Variants in CATSPER2 observed in about 807,000 individuals in gnomAD.
CATSPER2 encodes the protein cation channel sperm-associated protein 2.
In CATSPER2, 56 loss-of-function variants were observed where a neutral mutation model predicts 68.8. The observed-to-expected ratio is 0.81, with a 90% CI of 0.66 to 1.02. The LOEUF is 1.02. Ranked by LOEUF, CATSPER2 falls within the 50% of genes least tolerant of loss-of-function variation. The pLI is 0.00. For synonymous variants in CATSPER2, 198 were observed against 229.9 expected, an observed-to-expected ratio of 0.86 and a Z score of 1.26; for missense variants, 582 against 642.0, an observed-to-expected ratio of 0.91 and a Z score of 1.01.
Position 43,648,709 on chromosome 15 carries a change from C to A in CATSPER2, c.-83G>T. 1 of 1,490,106 alleles carries A rather than the reference C, an allele frequency of 6.7e-7. No homozygotes were observed. Among genetic ancestry groups the A allele is most frequent in the Non-Finnish European group, 8.9e-7 (1 of 1,124,512 alleles). 92.3% of individuals were successfully genotyped at this position (1,490,106 alleles called of 1,614,324 possible). ...CTCAGGTGCCCCGAGCCTGGCTACCCCTATGCAAGACGAGCTCAGGGCCGG... is the reference window on the plus strand; with the variant it reads ...CTCAGGTGCCCCGAGCCTGGCTACCACTATGCAAGACGAGCTCAGGGCCGG... On this transcript the variant is annotated 5_prime_UTR_variant, in exon 1 of 13. Transcript: ENST00000396879.
In CATSPER2 at chr15:43,640,471, T is replaced by C; in HGVS notation, c.414A>G (p.Lys138=). 1 of 1,613,284 alleles carries C rather than the reference T, an allele frequency of 6.2e-7. No individual in the cohort carries two copies. Among genetic ancestry groups the C allele is most frequent in the Non-Finnish European group, 8.5e-7 (1 of 1,179,578 alleles). ...EIELLESTNT[K]LWPLKLTLEV... is the part of the protein sequence containing the mutation. Reference sequence around the variant, plus strand: ...CCAAGGTCAGCTTCAATGGCCATAGTTTGGTATTTGTGGATTCCAGCAATT... The same window carrying C: ...CCAAGGTCAGCTTCAATGGCCATAGCTTGGTATTTGTGGATTCCAGCAATT... Residue 138 remains lysine (K), a synonymous_variant, in exon 5 of 13, where the codon AAA becomes AAG. Coordinates refer to ENST00000396879, the MANE Select transcript of CATSPER2 (RefSeq NM_172095.4).
At chr15:43,640,961 A>T (rs1451710249) in intron 4 of CATSPER2, among the ~76,000 whole-genome samples, 3 of 151,632 alleles carry the variant, frequency 2.0e-5, no homozygotes, top group African/African-American at 7.3e-5. Flanking sequence ...TCATTAGGGT[A>T]TATCGAATTA....
rs1315249812 is a variant in CATSPER2, at chr15:43,638,918, G to C, written c.828C>G (p.Tyr276Ter). 3 of 1,612,776 alleles carry C rather than the reference G, an allele frequency of 1.9e-6. No individual in the cohort carries two copies. The highest frequency in any genetic ancestry group is 1.3e-5 in the African/African-American group (1 of 74,806). Residue 276 changes from tyrosine to a stop codon, truncating the protein, a stop_gained, in exon 7 of 13, where the codon TAC becomes TAG. Transcript: ENST00000396879. LOFTEE classifies it high-confidence loss of function. ...GCTCTGCTTACGAGAAGAACACATGGTACTCCAGGTCCTGACGAGGTGAAC... is the reference window on the plus strand; with the variant it reads ...GCTCTGCTTACGAGAAGAACACATGCTACTCCAGGTCCTGACGAGGTGAAC... ...YTRSPRQDLE[Y>*]HVFFSDLPNS...
chr15:43,638,877 C>T (rs1329803929), intron 7 of CATSPER2, 27 bp downstream of exon 7: 5 of 1,611,854 alleles, frequency 3.1e-6, no homozygotes, highest in South Asian at 2.2e-5. Flanking sequence ...TTTCTCCCCT[C>T]ACCCAGCTGT....
At chr15:43,641,650 C>T (rs1384726164) in intron 4 of CATSPER2, among the ~76,000 whole-genome samples, 2 of 151,976 alleles carry the variant, frequency 1.3e-5, no homozygotes, top group South Asian at 4.2e-4. Context: ...TTCAATCATC[C>T]CTAGAATTTT....
Position 43,632,300 on chromosome 15 carries a change from T to C in CATSPER2, c.1460A>G (p.Asp487Gly), listed in dbSNP as rs1270890005. The C allele has an allele frequency of 6.2e-7, 1 of 1,613,622 alleles. No homozygotes were observed. The highest frequency in any genetic ancestry group is 1.3e-5 in the African/African-American group (1 of 74,812). Residue 487 changes from aspartate to glycine, a missense_variant, in exon 12 of 13, where the codon GAT (aspartate) becomes GGT (glycine). Around this residue, in one of 5 missense-constraint regions of CATSPER2, gnomAD observed 235 missense variants for 264.2 expected, o/e 0.89. Transcript: ENST00000396879. The part of the protein sequence containing the change: ...NLPGLMEMDQ[D>G]DRVWPRDSLF... ...TGAGTCTCTGGGCCAAACACGGTCA[T>C]CCTGATCCATTTCCATTAGCCCGGG... is the stretch of plus-strand genomic sequence containing the variant.
chr15:43,640,503 A>G lies in CATSPER2; in HGVS notation c.389-7T>C, dbSNP rs569089602. ...TTTGTGGATTCCAGCAATTCTGTGA[A>G]GATAGAGCAAAGGAGGAATAAAAGT... is the stretch of plus-strand genomic sequence containing the variant. On this transcript the variant is annotated splice_polypyrimidine_tract_variant and splice_region_variant and intron_variant, in intron 4 of 12. Coordinates refer to ENST00000396879, the MANE Select transcript of CATSPER2 (RefSeq NM_172095.4). The G allele has an allele frequency of 2.5e-3, 4,051 of 1,606,266 alleles. 58 individuals carry two copies. Among genetic ancestry groups the G allele is most frequent in the African/African-American group, 9.4e-3 (694 of 73,744 alleles).
rs921073152 is a variant in CATSPER2, at chr15:43,642,598, G to C, written c.389-2102C>G. 22 of 122,696 alleles carry C rather than the reference G, an allele frequency of 1.8e-4. 1 individual carries two copies. The highest frequency in any genetic ancestry group is 9.3e-5 in the Admixed American group (1 of 10,798). 7.6% of individuals were successfully genotyped at this position (122,696 alleles called of 1,614,324 possible). On this transcript the variant is annotated intron_variant, in intron 4 of 12. Coordinates refer to ENST00000396879, the MANE Select transcript of CATSPER2 (RefSeq NM_172095.4). Reference sequence around the variant, plus strand: ...ATGCTATAATTTTTATTCAGTTTTTGCCCTTGCAAAACAGGAACCCAAACA... The same window carrying C: ...ATGCTATAATTTTTATTCAGTTTTTCCCCTTGCAAAACAGGAACCCAAACA...
rs796724522 is a variant in CATSPER2, at chr15:43,648,798, G to A, written c.-172C>T. The A allele has an allele frequency of 1.0e-5, 16 of 1,531,570 alleles. No individual in the cohort carries two copies. Among genetic ancestry groups the A allele is most frequent in the Admixed American group, 6.0e-5 (3 of 50,384 alleles). 94.9% of individuals were successfully genotyped at this position (1,531,570 alleles called of 1,614,324 possible). On this transcript the variant is annotated 5_prime_UTR_variant, in exon 1 of 13. Transcript: ENST00000396879. ...ACCCCCAGGTTTCGGCTCACCCCGG[G>A]ACCCGGCCCTAGCCCCTACCCACAG...
At position 43,648,055 on chromosome 15, in the gene CATSPER2, C is replaced by T. The variant is rs146757686; in HGVS notation, c.7G>A (p.Ala3Thr). 4.3e-6 allele frequency: 7 copies of T among 1,613,460 alleles called. No individual in the cohort carries two copies. In the Admixed American group the frequency reaches 5.0e-5, roughly 12 times the overall value. The part of the protein sequence containing the change: MA[A>T]YQQEEQMQLP... ...TGCATCTGCTCTTCTTGTTGGTAAG[C>T]GGCCATGTCTGCTAAGAAAATGTAA... The change falls in exon 2 of 13, where the codon GCT becomes ACT. Residue 3 changes from alanine (A) to threonine (T), a missense_variant. Physicochemically the swap from Ala to Thr is moderately conservative, Grantham distance 58. Transcript: ENST00000396879.
In CATSPER2 at chr15:43,639,650, GC is replaced by G. The variant is rs2086036937; in HGVS notation, c.709del (p.Ala237ProfsTer5). ...IQIIILVLVR[A>X]LKSMTFLLML... ...TTGCAACAGTCAAATCACCTTGAGG[GC>G]CCTGACCAGGACCAAAATAATAATT... On this transcript the variant is annotated frameshift_variant, in exon 6 of 13. Transcript: ENST00000396879. LOFTEE classifies it high-confidence loss of function. 1 of 1,612,718 alleles carries G rather than the reference GC, an allele frequency of 6.2e-7. No individual in the cohort carries two copies. Among genetic ancestry groups the G allele is most frequent in the African/African-American group, 1.3e-5 (1 of 74,552 alleles).
chr15:43,644,835 C>G (rs1179430742), intron 4 of CATSPER2, among the ~76,000 whole-genome samples: 1 of 151,964 alleles, frequency 6.6e-6, no homozygotes, highest in African/African-American at 2.4e-5. Flanking sequence ...TGTATAGTTA[C>G]TATTATTTAC....
At chr15:43,640,027 G>A (rs1303803484) in intron 5 of CATSPER2, 8 of 1,442,420 alleles carry the variant, frequency 5.5e-6, no homozygotes, top group Admixed American at 2.6e-5. Context: ...TAATTGGGTT[G>A]TTGTGGAGCA....
chr15:43,640,744 A>G (rs928600176), intron 4 of CATSPER2, among the ~76,000 whole-genome samples: 6 of 151,824 alleles, frequency 4.0e-5, no homozygotes, highest in Non-Finnish European at 8.8e-5. Context: ...CCCAGCTACA[A>G]GTCACTTGCG....
At chr15:43,643,782 A>AT (rs1340329457) in intron 4 of CATSPER2, among the ~76,000 whole-genome samples, 1 of 152,042 alleles carries the variant, frequency 6.6e-6, no homozygotes, top group African/African-American at 2.4e-5. Flanking sequence ...TTAAAAGTCA[A>AT]TGTAAAAAAT....
At chr15:43,637,181 G>A (rs1595975364) in intron 7 of CATSPER2, among the ~76,000 whole-genome samples, 3 of 151,672 alleles carry the variant, frequency 2.0e-5, no homozygotes, top group Admixed American at 6.6e-5. Context: ...AAGATCACTC[G>A]CAAATTTAGC....
At chr15:43,640,150 C>G in intron 5 of CATSPER2, 174 bp downstream of exon 5, 1 of 1,510,336 alleles carries the variant, frequency 6.6e-7, no homozygotes, top group Non-Finnish European at 8.9e-7. Context: ...CTACTTTGCT[C>G]CTAATACCAA....
chr15:43,638,445 C>T (rs539640932), intron 7 of CATSPER2, among the ~76,000 whole-genome samples: 3 of 151,348 alleles, frequency 2.0e-5, no homozygotes, highest in Admixed American at 6.6e-5. Flanking sequence ...CCTGCCACCA[C>T]GGCTGGCTAA....
intron 4 of CATSPER2, among the ~76,000 whole-genome samples, chr15:43,643,538 T>C (rs1276780430): frequency 1.3e-5 from 2 of 151,910 alleles, no homozygotes; most frequent in South Asian, 4.2e-4. Flanking sequence ...GGTTTCACCA[T>C]GTTGGCCAGG....
Sources: allele counts gnomAD v4.1 joint callset (sites outside exome capture counted in the v4.1 genomes callset), GRCh38; gene constraint gnomAD v4.1.1; regional missense constraint gnomAD v4.1.1; transcripts MANE v1.5; gene names NCBI Gene and HGNC (gene_info 2026-07-23, HGNC 2026-07-21).